The following MAP1B variants were observed in gnomAD, a reference collection of about 807,000 sequenced individuals.
The protein encoded by MAP1B is microtubule associated protein 1B, also known as microtubule-associated protein 1B.
A neutral mutation model predicts 176.1 loss-of-function variants in MAP1B; 12 were observed. That is an observed-to-expected ratio of 0.07 (90% CI 0.04 to 0.11). The LOEUF (loss-of-function observed/expected upper bound fraction) is 0.11. Ranked by LOEUF, MAP1B falls within the 10% of genes least tolerant of loss-of-function variation. The pLI is 1.00. For synonymous variants in MAP1B, 1,044 were observed against 1,135.0 expected (o/e 0.92, Z 1.61); for missense variants, 2,523 against 2,990.5 (o/e 0.84, Z 3.65).
intron 2 of MAP1B, among the ~76,000 whole-genome samples, chr5:72,125,504 A>G (rs2112133863): frequency 6.6e-6 from 1 of 152,326 alleles, no homozygotes; most frequent in South Asian, 2.1e-4. Flanking sequence ...GGCACAGTTC[A>G]GTTCCTAGCT....
At chr5:72,149,055 C>T (rs1448993513) in intron 2 of MAP1B, among the ~76,000 whole-genome samples, 1 of 152,190 alleles carries the variant, frequency 6.6e-6, no homozygotes, top group Non-Finnish European at 1.5e-5. Context: ...AGAGTAGAGA[C>T]CATGTCTTAT....
At position 72,195,647 on chromosome 5, in the gene MAP1B, G is replaced by A. The variant is rs749304223; in HGVS notation, c.2292G>A (p.Glu764=). Residue 764 remains glutamate (E), a synonymous_variant, in exon 5 of 7, where the codon GAG becomes GAA. Coordinates refer to ENST00000296755, the MANE Select transcript of MAP1B (RefSeq NM_005909.5). ...ALKPKVPKKE[E]SVKKDSVAAG... ...AACCAAAAGTACCCAAGAAGGAAGA[G>A]TCTGTCAAGAAAGATTCTGTTGCTG... The A allele has an allele frequency of 1.2e-6, 2 of 1,613,904 alleles. No individual in the cohort carries two copies. Among genetic ancestry groups the A allele is most frequent in the Non-Finnish European group, 1.7e-6 (2 of 1,179,962 alleles).
At chr5:72,193,336 TC>T in intron 4 of MAP1B, 1 of 354,472 alleles carries the variant, frequency 2.8e-6, no homozygotes, top group Non-Finnish European at 5.4e-6. Context: ...AAGGTATCCA[TC>T]AGGCCTTTTT....
intron 3 of MAP1B, among the ~76,000 whole-genome samples, chr5:72,185,256 T>C (rs1257638396): frequency 6.6e-6 from 1 of 152,196 alleles, no homozygotes; most frequent in East Asian, 1.9e-4. Context: ...TCACCTGTCA[T>C]GACTGACTTC....
Position 72,194,996 on chromosome 5 carries a change from A to G in MAP1B, c.1641A>G (p.Pro547=). Residue 547 remains proline (P), a synonymous_variant, in exon 5 of 7, where the codon CCA becomes CCG. Coordinates refer to ENST00000296755, the MANE Select transcript of MAP1B (RefSeq NM_005909.5). The surrounding 1 kb of genome is among the most constrained non-coding windows in gnomAD (Gnocchi z 7.2). ...CTGATAGCCGAGAAAGTCTGAAGCC[A>G]GCCGCAAAACCACTTCCTAGCAAAT... The part of the protein sequence containing the change: ...QRADSRESLK[P]AAKPLPSKSV... 6.2e-7 allele frequency: 1 copy of G among 1,614,036 alleles called. No individual in the cohort carries two copies. Among genetic ancestry groups the G allele is most frequent in the Admixed American group, 1.7e-5 (1 of 59,982 alleles).
chr5:72,131,893 C>G (rs1004399596), intron 2 of MAP1B, among the ~76,000 whole-genome samples: 9 of 152,236 alleles, frequency 5.9e-5, no homozygotes, highest in Non-Finnish European at 2.9e-5. Context: ...CTTCTTGCAT[C>G]ACGTCTGATT....
chr5:72,163,136 G>A (rs1746357485), intron 2 of MAP1B, among the ~76,000 whole-genome samples: 1 of 150,348 alleles, frequency 6.7e-6, no homozygotes, highest in Non-Finnish European at 1.5e-5. Flanking sequence ...ACTGAGGCAG[G>A]AGAATTGCTT....
intron 2 of MAP1B, among the ~76,000 whole-genome samples, chr5:72,152,946 C>T (rs1049435491): frequency 6.6e-6 from 1 of 152,162 alleles, no homozygotes; most frequent in African/African-American, 2.4e-5. Flanking sequence ...AACGCAATTC[C>T]ACCAGAGGAA....
At chr5:72,164,073 G>A (rs1201287509) in intron 2 of MAP1B, among the ~76,000 whole-genome samples, 6 of 150,860 alleles carry the variant, frequency 4.0e-5, no homozygotes, top group African/African-American at 1.5e-4. Context: ...GCTAGGACAA[G>A]TACTTGGGAC....
chr5:72,165,436 A>G (rs902958752), intron 2 of MAP1B, among the ~76,000 whole-genome samples: 2 of 152,212 alleles, frequency 1.3e-5, no homozygotes, highest in African/African-American at 4.8e-5. Context: ...TCGGAATTTA[A>G]AATGTTGTAC....
rs777534052 is a variant in MAP1B, at chr5:72,195,960, G to A, written c.2605G>A (p.Glu869Lys). Residue 869 changes from glutamate (E) to lysine (K), a missense_variant, in exon 5 of 7, where the codon GAA (glutamate) becomes AAA (lysine). Physicochemically the swap from Glu to Lys is moderately conservative, Grantham distance 56 (BLOSUM62 1). Around this residue, in one of 4 missense-constraint regions of MAP1B, gnomAD observed 1,925 missense variants for 2,126.0 expected, o/e 0.91. Transcript: ENST00000296755. ...AATCGAAGACGAAGAGAAACTGAAG[G>A]AAACTGAGCCAGTCGAAGCCTACGT... ...ELIEDEEKLK[E>K]TEPVEAYVIQ... 7 of 1,614,094 alleles carry A rather than the reference G, an allele frequency of 4.3e-6. No homozygotes were observed. In the Admixed American group the frequency reaches 1.0e-4, roughly 23 times the overall value.
chr5:72,185,411 T>C (rs1328991452), intron 3 of MAP1B, among the ~76,000 whole-genome samples: 1 of 151,690 alleles, frequency 6.6e-6, no homozygotes, highest in African/African-American at 2.4e-5. Flanking sequence ...CTGGGCAACA[T>C]GGTAAAACCC....
intron 2 of MAP1B, among the ~76,000 whole-genome samples, chr5:72,177,617 A>C (rs1223871390): frequency 6.6e-6 from 1 of 152,126 alleles, no homozygotes; most frequent in African/African-American, 2.4e-5. Flanking sequence ...ATTCTCTTCA[A>C]ATCAACCACA....
chr5:72,178,622 C>G (rs1185454922), intron 2 of MAP1B, among the ~76,000 whole-genome samples: 1 of 152,138 alleles, frequency 6.6e-6, no homozygotes, highest in Non-Finnish European at 1.5e-5. Flanking sequence ...CAGGACCCTC[C>G]TCATCATCTC....
At chr5:72,170,757 C>T (rs1408617301) in intron 2 of MAP1B, among the ~76,000 whole-genome samples, 2 of 151,838 alleles carry the variant, frequency 1.3e-5, no homozygotes, top group African/African-American at 2.4e-5. Flanking sequence ...GTCAGGAGTT[C>T]GAGACCAGTG....
chr5:72,198,811 C>T lies in MAP1B; in HGVS notation c.5456C>T (p.Ser1819Phe). The T allele has an allele frequency of 6.2e-7, 1 of 1,614,238 alleles. No homozygotes were observed. The highest frequency in any genetic ancestry group is 2.2e-5 in the East Asian group (1 of 44,886). The stretch of plus-strand genomic sequence containing the variant: ...ACAGCAACTTGCCACAGTTCCTCTT[C>T]TCCACCAATAGATGCAGCATCCGCA... ...EKTATCHSSSSPPIDAASAEP... is the reference protein window; with the variant it reads ...EKTATCHSSSFPPIDAASAEP... Residue 1819 changes from serine to phenylalanine, a missense_variant, in exon 5 of 7, where the codon TCT (serine) becomes TTT (phenylalanine). Ser to Phe is a radical substitution (Grantham distance 155, BLOSUM62 -2). Transcript: ENST00000296755.
Position 72,177,138 on chromosome 5 carries a change from T to G in MAP1B, c.287-6605T>G, listed in dbSNP as rs149040694. On this transcript the variant is annotated intron_variant, in intron 2 of 6. Transcript: ENST00000296755. ...TGAGGGTTTTGTGTCTCACCCTGCT[T>G]TGGGATCATGTCCTCCCTCAGGGCT... Among the ~76,000 whole-genome samples the G allele has an allele frequency of 3.2e-3, 494 of 152,272 alleles. 2 individuals carry two copies. Among genetic ancestry groups the G allele is most frequent in the Non-Finnish European group, 4.8e-3 (327 of 68,012 alleles).
intron 4 of MAP1B, among the ~76,000 whole-genome samples, chr5:72,192,763 T>C (rs1747050536): frequency 6.6e-6 from 1 of 152,246 alleles, no homozygotes; most frequent in Non-Finnish European, 1.5e-5. Flanking sequence ...TGAGCTTTAC[T>C]GAGACGGAAA....
chr5:72,176,208 C>T (rs766556237), intron 2 of MAP1B, among the ~76,000 whole-genome samples: 3 of 151,792 alleles, frequency 2.0e-5, no homozygotes, highest in Non-Finnish European at 4.4e-5. Context: ...CACGTGTGTG[C>T]ACGCACACAC....
Sources: gnomAD v4.1 joint callset for allele counts (sites outside exome capture counted in the v4.1 genomes callset) on GRCh38, gnomAD v4.1.1 for gene constraint, gnomAD v4.1.1 regional missense constraint, Gnocchi (gnomAD v3.1) non-coding constraint, MANE v1.5 for transcripts, NCBI Gene and HGNC (gene_info 2026-07-23, HGNC 2026-07-21) for gene names.